The following TRHDE variants were observed in gnomAD, a reference collection of about 807,000 sequenced individuals.
TRHDE encodes the protein thyrotropin-releasing hormone-degrading ectoenzyme.
A neutral mutation model predicts 125.7 loss-of-function variants in TRHDE; 72 were observed. That is an observed-to-expected ratio of 0.57 (90% confidence interval 0.47 to 0.70). The LOEUF is 0.70. TRHDE is among the 30% of genes least tolerant of loss of function. The pLI, the probability that TRHDE is intolerant of heterozygous loss-of-function variation, is 0.00. For missense variants in TRHDE, 1,110 were observed against 1,327.1 expected (o/e 0.84, Z 2.54); for synonymous variants, 509 against 509.1 (o/e 1.00, Z 0.00).
chr12:72,202,580 A>G (rs11179104), intron 2 of TRHDE, among the ~76,000 whole-genome samples: 12,851 of 152,172 alleles, frequency 0.084, 771 homozygotes, highest in African/African-American at 0.16. Flanking sequence ...CTGGCTCGCT[A>G]TCTCCACTTG....
chr12:72,450,811 A>G (rs890773492), intron 3 of TRHDE, among the ~76,000 whole-genome samples: 3 of 151,968 alleles, frequency 2.0e-5, no homozygotes, highest in Non-Finnish European at 2.9e-5. Context: ...AGCACTTAGT[A>G]TCTTTTGTTT....
chr12:72,537,281 A>C (rs1181014781), intron 6 of TRHDE, among the ~76,000 whole-genome samples: 1 of 152,022 alleles, frequency 6.6e-6, no homozygotes, highest in East Asian at 1.9e-4. Context: ...TCCCCACCCA[A>C]ATCTCATATC....
upstream of TRHDE, chr12:72,271,902 C>CT (rs1474161298): frequency 1.1e-5 from 5 of 456,406 alleles, no homozygotes; most frequent in Non-Finnish European, 2.2e-5. Context: ...ATGAGGGAGT[C>CT]TCGCTGTCGG....
chr12:72,188,893 G>A (rs1316084704), intron 2 of TRHDE, among the ~76,000 whole-genome samples: 4 of 152,178 alleles, frequency 2.6e-5, no homozygotes, highest in Non-Finnish European at 4.4e-5. Flanking sequence ...CTACCCAGCT[G>A]CAAGAATCTT....
intron 3 of TRHDE, among the ~76,000 whole-genome samples, chr12:72,447,444 A>G (rs1875349769): frequency 6.6e-6 from 1 of 152,130 alleles, no homozygotes; most frequent in African/African-American, 2.4e-5. Flanking sequence ...CCGATTGTGC[A>G]TTTCTAACAG....
intron 2 of TRHDE, among the ~76,000 whole-genome samples, chr12:72,334,096 A>G (rs1592551356): frequency 6.6e-6 from 1 of 152,182 alleles, no homozygotes; most frequent in Non-Finnish European, 1.5e-5. Context: ...GGCTTCTACC[A>G]TTATAATTGC....
intron 5 of TRHDE, among the ~76,000 whole-genome samples, chr12:72,481,546 A>G (rs1877173564): frequency 6.6e-6 from 1 of 151,378 alleles, no homozygotes; most frequent in South Asian, 2.1e-4. Flanking sequence ...GAGAATGTCA[A>G]ATTTCTCTAC....
intron 6 of TRHDE, among the ~76,000 whole-genome samples, chr12:72,515,028 A>C (rs1387552266): frequency 2.7e-5 from 4 of 145,834 alleles, no homozygotes; most frequent in Non-Finnish European, 4.5e-5. Context: ...TTCTTAATCC[A>C]GTCTATCATT....
intron 2 of TRHDE, among the ~76,000 whole-genome samples, chr12:72,184,705 C>G (rs549589103): frequency 6.6e-6 from 1 of 152,216 alleles, no homozygotes; most frequent in African/African-American, 2.4e-5. Flanking sequence ...GCAATTTCTT[C>G]TTGTGTCTTA....
intron 12 of TRHDE, among the ~76,000 whole-genome samples, chr12:72,591,743 AT>A (rs939066241): frequency 2.0e-5 from 3 of 149,962 alleles, no homozygotes; most frequent in African/African-American, 4.9e-5. Flanking sequence ...GTCTTGAAGA[AT>A]TTTTTTTATT....
chr12:72,129,495 G>T (rs1875811975), intron 2 of TRHDE, among the ~76,000 whole-genome samples: 1 of 152,180 alleles, frequency 6.6e-6, no homozygotes. Context: ...TCTATGCAGG[G>T]TTCCCCTAAG....
Position 72,664,056 on chromosome 12 carries a change from T to A in TRHDE, c.*861T>A, listed in dbSNP as rs991169081. On this transcript the variant is annotated 3_prime_UTR_variant, in exon 19 of 19. Transcript: ENST00000261180. ...TCCTAACTAAATTTCTCAACTGTTA[T>A]GAATTTTTCATCTACTTCTTGAACA... 6.6e-6 allele frequency: 1 copy of A among 152,122 alleles called. No individual in the cohort carries two copies. The highest frequency in any genetic ancestry group is 1.9e-4 in the East Asian group (1 of 5,168). 9.4% of individuals were successfully genotyped at this position (152,122 alleles called of 1,614,324 possible).
At chr12:72,638,675 C>T (rs1873882220) in intron 15 of TRHDE, among the ~76,000 whole-genome samples, 1 of 152,016 alleles carries the variant, frequency 6.6e-6, no homozygotes, top group Admixed American at 6.6e-5. Flanking sequence ...GTGCTTCCTT[C>T]AGGAGCTCTT....
At chr12:72,390,350 C>T (rs1030725306) in intron 3 of TRHDE, among the ~76,000 whole-genome samples, 3 of 152,092 alleles carry the variant, frequency 2.0e-5, no homozygotes, top group African/African-American at 7.2e-5. Context: ...AAATAGCAAT[C>T]CAAAGCCCCA....
chr12:72,490,604 TACACAC>T (rs56752236), intron 5 of TRHDE, among the ~76,000 whole-genome samples: 14 of 148,232 alleles, frequency 9.4e-5, no homozygotes, highest in African/African-American at 2.2e-4. Flanking sequence ...TGTGTATAAA[TACACAC>T]ACACACACAC....
At chr12:72,467,905 A>T (rs1456578129) in intron 3 of TRHDE, among the ~76,000 whole-genome samples, 1 of 152,246 alleles carries the variant, frequency 6.6e-6, no homozygotes, top group Admixed American at 6.5e-5. Context: ...CCTTATTATA[A>T]GACTGTTGAC....
chr12:72,087,554 T>G (rs571292646), intron 1 of TRHDE: 1 of 152,230 alleles, frequency 6.6e-6, no homozygotes, highest in South Asian at 2.1e-4. Flanking sequence ...CAGATGCAAA[T>G]GAATGAATTT....
chr12:72,366,572 C>T (rs1321134071), intron 2 of TRHDE, among the ~76,000 whole-genome samples: 2 of 151,792 alleles, frequency 1.3e-5, no homozygotes, highest in Admixed American at 6.6e-5. Context: ...GTATTAGACA[C>T]AGTAAGGAGT....
chr12:72,361,188 CT>C (rs551577848), intron 2 of TRHDE, among the ~76,000 whole-genome samples: 2 of 151,600 alleles, frequency 1.3e-5, no homozygotes, highest in Admixed American at 6.6e-5. Flanking sequence ...CTCTTTAAAG[CT>C]TTTTTTTGTG....
Sources: allele counts gnomAD v4.1 joint callset (sites outside exome capture counted in the v4.1 genomes callset), GRCh38; gene constraint gnomAD v4.1.1; transcripts MANE v1.5; gene names NCBI Gene and HGNC (gene_info 2026-07-23, HGNC 2026-07-21).